Variants in CDH2 observed in about 807,000 individuals in gnomAD.
The protein encoded by CDH2 is cadherin-2.
A neutral mutation model predicts 92.0 loss-of-function variants in CDH2; 17 were observed. That is an observed-to-expected ratio of 0.18 (90% CI 0.13 to 0.28). The LOEUF (loss-of-function observed/expected upper bound fraction) is 0.28, where lower values mean the gene tolerates loss of function less well. Ranked by LOEUF, CDH2 falls within the 10% of genes least tolerant of loss-of-function variation. CDH2 has a pLI of 1.00. For missense variants in CDH2, 862 were observed against 1,133.1 expected (o/e 0.76, Z 3.44); for synonymous variants, 419 against 415.9 (o/e 1.01, Z -0.09).
chr18:28,039,641 A>G (rs919571625), intron 2 of CDH2, among the ~76,000 whole-genome samples: 1 of 152,004 alleles, frequency 6.6e-6, no homozygotes, highest in African/African-American at 2.4e-5. Flanking sequence ...ATAATTACCT[A>G]TTTTCTGCTC....
intron 15 of CDH2, chr18:27,954,403 C>G (rs151112319): frequency 1.6e-4 from 24 of 152,336 alleles, no homozygotes; most frequent in African/African-American, 5.8e-4. Context: ...TAAGGCTTGG[C>G]TGTCTGACTG....
intron 2 of CDH2, among the ~76,000 whole-genome samples, chr18:28,041,400 TACGGC>T (rs2013944784): frequency 1.3e-5 from 2 of 152,190 alleles, no homozygotes; most frequent in Non-Finnish European, 2.9e-5. Context: ...TGTAATCACA[TACGGC>T]ATTTTATATA....
At chr18:28,109,690 G>C (rs180828612) in intron 2 of CDH2, among the ~76,000 whole-genome samples, 1 of 152,074 alleles carries the variant, frequency 6.6e-6, no homozygotes. Flanking sequence ...ACAAATAACT[G>C]GTGTCAAAAA....
chr18:28,157,032 T>C (rs1444875664), intron 1 of CDH2, among the ~76,000 whole-genome samples: 1 of 152,224 alleles, frequency 6.6e-6, no homozygotes, highest in Non-Finnish European at 1.5e-5. Context: ...AAGTGGATGC[T>C]TAATGTAACA....
At chr18:28,036,147 A>G (rs2013821281) in intron 2 of CDH2, among the ~76,000 whole-genome samples, 2 of 152,166 alleles carry the variant, frequency 1.3e-5, no homozygotes, top group Admixed American at 1.3e-4. Flanking sequence ...TATCAGCTAG[A>G]TTTGAAAATG....
intron 2 of CDH2, among the ~76,000 whole-genome samples, chr18:28,135,623 T>G (rs535463408): frequency 1.3e-5 from 2 of 152,286 alleles, no homozygotes; most frequent in South Asian, 4.1e-4. Flanking sequence ...TTTAATAAAT[T>G]TGTCTTCTGC....
rs1403830213 is a variant in CDH2 at position 28,176,998 on chromosome 18, G to C, written c.25C>G (p.Arg9Gly). MCRIAGALRTLLPLLAALL... is the reference protein window; with the variant it reads MCRIAGALGTLLPLLAALL... ...GCCGCCAGCAGCGGCAGCAGGGTCCGCAGCGCTCCCGCTATCCGGCACATG... is the reference window on the plus strand; with the variant it reads ...GCCGCCAGCAGCGGCAGCAGGGTCCCCAGCGCTCCCGCTATCCGGCACATG... The change falls in exon 1 of 16, where the codon CGG (arginine) becomes GGG (glycine). Residue 9 changes from arginine to glycine, a missense_variant. This residue lies in a region of CDH2 where 159 missense variants were observed against 177.2 expected (regional missense o/e 0.90). Coordinates refer to ENST00000269141, the MANE Select transcript of CDH2 (RefSeq NM_001792.5). The C allele has an allele frequency of 5.4e-6, 8 of 1,479,860 alleles. No individual in the cohort carries two copies. In the African/African-American group the frequency reaches 1.2e-4, roughly 21 times the overall value. The allele number at this position is 1,479,860 out of a possible 1,614,324, so 91.7% of individuals were successfully genotyped here.
intron 14 of CDH2, among the ~76,000 whole-genome samples, chr18:27,967,505 C>T (rs1382044807): frequency 2.0e-5 from 3 of 152,140 alleles, no homozygotes; most frequent in African/African-American, 7.2e-5. Flanking sequence ...TATAAACAAT[C>T]CAAAAAGACA....
chr18:28,031,027 T>G (rs910260315), intron 2 of CDH2, among the ~76,000 whole-genome samples: 8 of 151,520 alleles, frequency 5.3e-5, no homozygotes, highest in Non-Finnish European at 1.2e-4. Flanking sequence ...AAAAACCACC[T>G]GTACCAAGAT....
intron 2 of CDH2, among the ~76,000 whole-genome samples, chr18:28,140,959 C>T (rs909162265): frequency 6.7e-6 from 1 of 150,312 alleles, no homozygotes; most frequent in Non-Finnish European, 1.5e-5. Flanking sequence ...TAATGCAAAT[C>T]AAACCACAAT....
chr18:28,076,683 CT>C (rs1180964671), intron 2 of CDH2, among the ~76,000 whole-genome samples: 3 of 124,676 alleles, frequency 2.4e-5, no homozygotes, highest in Non-Finnish European at 3.3e-5. Flanking sequence ...AATGCTTTCC[CT>C]CCCCCCTCCC....
chr18:28,056,088 T>C (rs985209650), intron 2 of CDH2, among the ~76,000 whole-genome samples: 4 of 149,638 alleles, frequency 2.7e-5, no homozygotes, highest in Non-Finnish European at 6.0e-5. Flanking sequence ...TTTTTTTTTT[T>C]AAGAGAAAAA....
intron 2 of CDH2, among the ~76,000 whole-genome samples, chr18:28,124,908 G>A (rs549126896): frequency 7.2e-5 from 11 of 152,236 alleles, no homozygotes; most frequent in African/African-American, 2.4e-4. Context: ...CACATTTTAC[G>A]ATAATTATTT....
chr18:28,075,267 G>C (rs927389731), intron 2 of CDH2, among the ~76,000 whole-genome samples: 1 of 152,146 alleles, frequency 6.6e-6, no homozygotes, highest in Non-Finnish European at 1.5e-5. Context: ...TACATCTCAA[G>C]GGATGCATAC....
In CDH2 at chr18:28,015,273, T is replaced by G. The variant is rs11564319; in HGVS notation, c.173-1364A>C. The stretch of plus-strand genomic sequence containing the variant: ...TAAAATACTTTAACTACTGAATATA[T>G]TATTTTCCACATAATGCCATCTATA... On this transcript the variant is annotated intron_variant, in intron 2 of 15. Coordinates refer to ENST00000269141, the MANE Select transcript of CDH2 (RefSeq NM_001792.5). Among the ~76,000 whole-genome samples, 383 of 152,320 alleles carry G rather than the reference T, an allele frequency of 2.5e-3. 3 individuals are homozygous for G. Among genetic ancestry groups the G allele is most frequent in the African/African-American group, 8.8e-3 (367 of 41,588 alleles).
chr18:28,089,372 T>C (rs1325883449), intron 2 of CDH2, among the ~76,000 whole-genome samples: 5 of 152,210 alleles, frequency 3.3e-5, no homozygotes, highest in African/African-American at 1.2e-4. Flanking sequence ...CAACTTATAA[T>C]AACCAATCAC....
chr18:27,987,812 T>C (rs866410869), intron 11 of CDH2, among the ~76,000 whole-genome samples: 3 of 152,138 alleles, frequency 2.0e-5, no homozygotes, highest in Non-Finnish European at 2.9e-5. Context: ...TAAAACCTCA[T>C]GGCAATCCCA....
chr18:27,968,704 C>T (rs536306105), intron 14 of CDH2, among the ~76,000 whole-genome samples: 5 of 152,244 alleles, frequency 3.3e-5, no homozygotes, highest in Admixed American at 3.3e-4. Flanking sequence ...GAACATTTTC[C>T]TTTTATAGCT....
intron 2 of CDH2, among the ~76,000 whole-genome samples, chr18:28,122,078 A>C (rs2015597476): frequency 6.6e-6 from 1 of 152,000 alleles, no homozygotes; most frequent in Admixed American, 6.6e-5. Flanking sequence ...TATATTCAAA[A>C]CCTTGAAAGT....
Sources: gnomAD v4.1 joint callset for allele counts (sites outside exome capture counted in the v4.1 genomes callset) on GRCh38, gnomAD v4.1.1 for gene constraint, gnomAD v4.1.1 regional missense constraint, MANE v1.5 for transcripts, NCBI Gene and HGNC (gene_info 2026-07-23, HGNC 2026-07-21) for gene names.